Variants in PCDHGA11 observed in about 807,000 individuals in gnomAD.
PCDHGA11 encodes protocadherin gamma-A11.
A neutral mutation model predicts 60.4 loss-of-function variants in PCDHGA11; 39 were observed. The observed-to-expected ratio is 0.65, with a 90% CI of 0.50 to 0.84. The LOEUF is 0.84. Ranked by LOEUF, PCDHGA11 falls within the 40% of genes least tolerant of loss-of-function variation. The pLI is 0.00. For synonymous variants in PCDHGA11, 533 were observed against 510.3 expected (o/e 1.04, Z -0.60); for missense variants, 1,165 against 1,197.7 (o/e 0.97, Z 0.40).
intron 2 of PCDHGA11, among the ~76,000 whole-genome samples, chr5:141,500,682 G>A (rs1661676761): frequency 6.6e-6 from 1 of 152,044 alleles, no homozygotes; most frequent in African/African-American, 2.4e-5. Context: ...CAGAATTATA[G>A]CTTTTTTCTT....
At position 141,421,515 on chromosome 5, in the gene PCDHGA11, C is replaced by A; in HGVS notation, c.288C>A (p.Leu96=). 1.9e-6 allele frequency: 3 copies of A among 1,614,080 alleles called. No individual in the cohort carries two copies. The highest frequency in any genetic ancestry group is 2.5e-6 in the Non-Finnish European group (3 of 1,179,910). Residue 96 remains leucine, a synonymous_variant, in exon 1 of 4, where the codon CTC becomes CTA. Coordinates refer to ENST00000398587, the MANE Select transcript of PCDHGA11 (RefSeq NM_018914.3). ...CAGGCAGGATAGACCGGGAGGAGCT[C>A]TGTGAGACGGTGTCCTCCTGTTTTT... ...ITAGRIDREE[L]CETVSSCFLN...
intron 1 of PCDHGA11, among the ~76,000 whole-genome samples, chr5:141,452,103 TTTCTC>T (rs1428635203): frequency 1.3e-5 from 2 of 152,186 alleles, no homozygotes; most frequent in African/African-American, 4.8e-5. Context: ...AGAGCTTTCT[TTTCTC>T]TTCTTATTTA....
Position 141,477,265 on chromosome 5 carries a change from G to T in PCDHGA11, c.2434-17542G>T. On this transcript the variant is annotated intron_variant, in intron 1 of 3. Coordinates refer to ENST00000398587, the MANE Select transcript of PCDHGA11 (RefSeq NM_018914.3). The surrounding 1 kb of genome is among the most constrained non-coding windows in gnomAD (Gnocchi z 4.9). ...GTGTGACTGACCTGGATGCTGGCGA[G>T]AACGGGCTGGTGACCTGCGAAGTTC... 6.2e-7 allele frequency: 1 copy of T among 1,614,198 alleles called. No individual in the cohort carries two copies. Among genetic ancestry groups the T allele is most frequent in the Non-Finnish European group, 8.5e-7 (1 of 1,180,044 alleles).
In PCDHGA11 at chr5:141,432,866, G is replaced by A; in HGVS notation, c.2433+9206G>A. The A allele has an allele frequency of 6.2e-7, 1 of 1,614,152 alleles. No individual in the cohort carries two copies. The highest frequency in any genetic ancestry group is 8.5e-7 in the Non-Finnish European group (1 of 1,180,008). On this transcript the variant is annotated intron_variant, in intron 1 of 3. Transcript: ENST00000398587. This position sits in a 1 kb window ranked among gnomAD's most constrained non-coding sequence, Gnocchi z 6.0. ...GGTAGCGGTGGCCGCGGTCTCCTGC[G>A]TCTTCCTGGCCTTCGTCATCTTGCT...
At position 141,486,367 on chromosome 5, in the gene PCDHGA11, G is replaced by A; in HGVS notation, c.2434-8440G>A. On this transcript the variant is annotated intron_variant, in intron 1 of 3. Coordinates refer to ENST00000398587, the MANE Select transcript of PCDHGA11 (RefSeq NM_018914.3). This position sits in a 1 kb window ranked among gnomAD's most constrained non-coding sequence, Gnocchi z 5.0. Reference sequence around the variant, plus strand: ...CTGACCACTTGCCATTTGCCCTCAAGTCTGCCTTCAGGAACCAGTTCTCCC... The same window carrying A: ...CTGACCACTTGCCATTTGCCCTCAAATCTGCCTTCAGGAACCAGTTCTCCC... 1 of 1,614,148 alleles carries A rather than the reference G, an allele frequency of 6.2e-7. No individual in the cohort carries two copies. Among genetic ancestry groups the A allele is most frequent in the Non-Finnish European group, 8.5e-7 (1 of 1,180,022 alleles).
chr5:141,428,297 T>G (rs2097131311), intron 1 of PCDHGA11: 5 of 712,160 alleles, frequency 7.0e-6, no homozygotes, highest in Non-Finnish European at 1.2e-5. Flanking sequence ...AAGCTGCAGA[T>G]TTACCTGGTC....
chr5:141,477,565 C>T lies in PCDHGA11; in HGVS notation c.2434-17242C>T, dbSNP rs1168703868. 3.1e-6 allele frequency: 5 copies of T among 1,614,146 alleles called. No homozygotes were observed. The highest frequency in any genetic ancestry group is 4.2e-6 in the Non-Finnish European group (5 of 1,180,030). On this transcript the variant is annotated intron_variant, in intron 1 of 3. Transcript: ENST00000398587. The surrounding 1 kb of genome is among the most constrained non-coding windows in gnomAD (Gnocchi z 4.9). ...CAATACTAAACCTAAGTGTCTGGGA[C>T]CCCGACGCCCCGCAGAATGCTCGGC... is the stretch of plus-strand genomic sequence containing the variant.
At chr5:141,496,886 C>T (rs1562175671) in intron 2 of PCDHGA11, among the ~76,000 whole-genome samples, 1 of 135,246 alleles carries the variant, frequency 7.4e-6, no homozygotes, top group African/African-American at 2.9e-5. Context: ...ACAAGTAACA[C>T]TTAAAAAAAA....
intron 2 of PCDHGA11, among the ~76,000 whole-genome samples, chr5:141,498,411 C>T (rs747823234): frequency 2.0e-5 from 3 of 152,158 alleles, no homozygotes; most frequent in Non-Finnish European, 4.4e-5. Context: ...TTTCTCTTTG[C>T]TGGCACTGGA....
At chr5:141,458,219 C>T (rs2098940224) in intron 1 of PCDHGA11, among the ~76,000 whole-genome samples, 1 of 152,248 alleles carries the variant, frequency 6.6e-6, no homozygotes, top group African/African-American at 2.4e-5. Flanking sequence ...AATAAGTTTC[C>T]TTTCCCAGTC....
At chr5:141,427,059 G>C (rs751016646) in intron 1 of PCDHGA11, 1 of 457,744 alleles carries the variant, frequency 2.2e-6, no homozygotes, top group South Asian at 1.5e-5. Context: ...AGGCACCTCT[G>C]TACTAAAGGT....
rs375287728 is a variant in PCDHGA11, at chr5:141,423,132, C to T, written c.1905C>T (p.Asp635=). ...TGCGTACAGCGCGGGCACTGCTGGA[C>T]AGAGACGCGCTCAAGCAGAGCCTCG... ...GEVRTARALL[D]RDALKQSLVV... The change falls in exon 1 of 4, where the codon GAC becomes GAT. Residue 635 remains aspartate (D), a synonymous_variant. Transcript: ENST00000398587. 2.5e-5 allele frequency: 41 copies of T among 1,613,540 alleles called. No individual in the cohort carries two copies. The highest frequency in any genetic ancestry group is 3.3e-5 in the Non-Finnish European group (39 of 1,179,938).
At chr5:141,473,501 G>C (rs1053399138) in intron 1 of PCDHGA11, among the ~76,000 whole-genome samples, 7 of 152,188 alleles carry the variant, frequency 4.6e-5, no homozygotes, top group African/African-American at 1.7e-4. Context: ...GGTGTTCTGA[G>C]AGAGCATAAC....
chr5:141,454,669 AC>A (rs1292139052), intron 1 of PCDHGA11, among the ~76,000 whole-genome samples: 1 of 151,212 alleles, frequency 6.6e-6, no homozygotes, highest in African/African-American at 2.4e-5. Context: ...GCCTCCCAAA[AC>A]ACTGGGATTA....
chr5:141,511,265 A>G lies in PCDHGA11; in HGVS notation c.*92A>G. On this transcript the variant is annotated 3_prime_UTR_variant, in exon 4 of 4. Coordinates refer to ENST00000398587, the MANE Select transcript of PCDHGA11 (RefSeq NM_018914.3). ...ACCCAGGCCTCAGAGTTTCAGGGCT[A>G]ACCCCCAGAATACTGGTAGGGGCCA... The G allele has an allele frequency of 6.4e-7, 1 of 1,551,730 alleles. No individual in the cohort carries two copies. Among genetic ancestry groups the G allele is most frequent in the South Asian group, 1.2e-5 (1 of 83,132 alleles).
chr5:141,477,502 C>A lies in PCDHGA11; in HGVS notation c.2434-17305C>A, dbSNP rs2099412065. On this transcript the variant is annotated intron_variant, in intron 1 of 3. Coordinates refer to ENST00000398587, the MANE Select transcript of PCDHGA11 (RefSeq NM_018914.3). This position sits in a 1 kb window ranked among gnomAD's most constrained non-coding sequence, Gnocchi z 4.9. ...CTCCACAATCTTCTCAATCTTCCTA[C>A]GACGTTTACATTGAAGAAAACAACC... The A allele has an allele frequency of 9.3e-6, 15 of 1,614,026 alleles. No homozygotes were observed. The highest frequency in any genetic ancestry group is 1.3e-5 in the Non-Finnish European group (15 of 1,180,026).
At chr5:141,427,570 C>A in intron 1 of PCDHGA11, 1 of 662,270 alleles carries the variant, frequency 1.5e-6, no homozygotes, top group Non-Finnish European at 2.8e-6. Flanking sequence ...GGCAAGCCTC[C>A]GCTCTCATCC....
intron 1 of PCDHGA11, chr5:141,426,513 C>T (rs780618436): frequency 6.2e-5 from 21 of 341,148 alleles, no homozygotes; most frequent in Non-Finnish European, 1.1e-4. Context: ...AATACTTTAC[C>T]GTGAACACGG....
Position 141,506,991 on chromosome 5 carries a change from C to T in PCDHGA11, c.2581+1510C>T, listed in dbSNP as rs190455068. 3 of 152,366 alleles carry T rather than the reference C, an allele frequency of 2.0e-5. No homozygotes were observed. In the East Asian group the frequency reaches 5.8e-4, roughly 29 times the overall value. The allele number at this position is 152,366 out of a possible 1,614,324, so 9.4% of individuals were successfully genotyped here. A position where few individuals can be genotyped will look rare whatever the true frequency, so the allele number is the denominator to read the frequency against. The stretch of plus-strand genomic sequence containing the variant: ...TGCAAGGCAGGTCTGATTTCTCACA[C>T]TCGACAGATGAGAGAACCGAGAAGG... On this transcript the variant is annotated intron_variant, in intron 3 of 3. Coordinates refer to ENST00000398587, the MANE Select transcript of PCDHGA11 (RefSeq NM_018914.3).
Sources: allele counts gnomAD v4.1 joint callset (sites outside exome capture counted in the v4.1 genomes callset), GRCh38; gene constraint gnomAD v4.1.1; non-coding constraint Gnocchi (gnomAD v3.1); transcripts MANE v1.5; gene names NCBI Gene and HGNC (gene_info 2026-07-23, HGNC 2026-07-21).